The following CDYL2 variants were observed in gnomAD, a reference collection of about 807,000 sequenced individuals.
The protein encoded by CDYL2 is chromodomain Y-like protein 2.
CDYL2 carries 23 observed loss-of-function variants against 49.4 expected under a neutral mutation model. The observed-to-expected ratio is 0.47, with a 90% CI of 0.34 to 0.66. The LOEUF (loss-of-function observed/expected upper bound fraction) is 0.66. Ranked by LOEUF, CDYL2 falls within the 30% of genes least tolerant of loss-of-function variation. CDYL2 has a pLI of 0.01. For synonymous variants in CDYL2, 360 were observed against 268.8 expected, an observed-to-expected ratio of 1.34 and a Z score of -3.32; for missense variants, 678 against 656.4, an observed-to-expected ratio of 1.03 and a Z score of -0.36.
rs1905922434 is a variant in CDYL2, at chr16:80,598,220, G to C, written c.*6168C>G. ...CAGAACTAGTTAAAGACTCTCCCAT[G>C]ATAATCTGGCAAAATAAAACAAGTA... On this transcript the variant is annotated 3_prime_UTR_variant, in exon 7 of 7. Coordinates refer to ENST00000570137, the MANE Select transcript of CDYL2 (RefSeq NM_152342.4). The C allele has an allele frequency of 6.6e-6, 1 of 151,696 alleles. No homozygotes were observed. Among genetic ancestry groups the C allele is most frequent in the Admixed American group, 6.6e-5 (1 of 15,174 alleles). The allele number at this position is 151,696 out of a possible 1,614,324, so 9.4% of individuals were successfully genotyped here.
intron 2 of CDYL2, chr16:80,639,606 T>C: frequency 2.2e-6 from 1 of 445,180 alleles, no homozygotes; most frequent in Non-Finnish European, 4.5e-6. Context: ...GACATCAAAT[T>C]AACAACTGTC....
chr16:80,610,615 A>T (rs573222509), intron 5 of CDYL2, among the ~76,000 whole-genome samples: 1 of 152,248 alleles, frequency 6.6e-6, no homozygotes, highest in African/African-American at 2.4e-5. Flanking sequence ...AGCTAAGAAA[A>T]CAAGAACATA....
At position 80,737,134 on chromosome 16, in the gene CDYL2, G is replaced by C. The variant is rs146499478; in HGVS notation, c.25-52005C>G. The stretch of plus-strand genomic sequence containing the variant: ...GGAAAACTGAGGATCTTGAAATTGA[G>C]CCTCACAAATCTATCCATGCCCCCA... On this transcript the variant is annotated intron_variant, in intron 1 of 6. Coordinates refer to ENST00000570137, the MANE Select transcript of CDYL2 (RefSeq NM_152342.4). Among the ~76,000 whole-genome samples the C allele has an allele frequency of 1.2e-4, 19 of 152,274 alleles. No homozygotes were observed. In the East Asian group the frequency reaches 3.5e-3, roughly 28 times the overall value.
At chr16:80,625,712 G>A (rs964224207) in intron 3 of CDYL2, among the ~76,000 whole-genome samples, 8 of 152,082 alleles carry the variant, frequency 5.3e-5, no homozygotes, top group Non-Finnish European at 8.8e-5. Flanking sequence ...ACATCCAGAG[G>A]AAAAAGAAAG....
Position 80,633,045 on chromosome 16 carries a change from A to C in CDYL2, c.808T>G (p.Ser270Ala), listed in dbSNP as rs1567548675. 1 of 1,614,124 alleles carries C rather than the reference A, an allele frequency of 6.2e-7. No homozygotes were observed. Among genetic ancestry groups the C allele is most frequent in the South Asian group, 1.1e-5 (1 of 91,084 alleles). Residue 270 changes from serine to alanine, a missense_variant, in exon 3 of 7, where the codon TCG becomes GCG. Around this residue, in one of 3 missense-constraint regions of CDYL2, gnomAD observed 478 missense variants for 427.0 expected, o/e 1.12. Transcript: ENST00000570137. Reference protein sequence around the residue: ...FTHILLSSQTSDNNALTPEIM... With the variant: ...FTHILLSSQTADNNALTPEIM... ...TCAGGTGTCAGGGCATTGTTATCCG[A>C]GGTCTGACTGGACAGCAGGATGTGC...
chr16:80,715,231 G>A (rs1904756723), intron 1 of CDYL2, among the ~76,000 whole-genome samples: 1 of 152,064 alleles, frequency 6.6e-6, no homozygotes, highest in Non-Finnish European at 1.5e-5. Context: ...ACTGACGTGG[G>A]CTCCACAGCA....
chr16:80,775,987 G>A (rs768116910), intron 1 of CDYL2, among the ~76,000 whole-genome samples: 1 of 151,796 alleles, frequency 6.6e-6, no homozygotes, highest in Non-Finnish European at 1.5e-5. Context: ...TGCAAAAGAA[G>A]TTACGTATAT....
At chr16:80,776,478 C>T (rs1437703083) in intron 1 of CDYL2, among the ~76,000 whole-genome samples, 4 of 151,712 alleles carry the variant, frequency 2.6e-5, no homozygotes, top group African/African-American at 9.7e-5. Flanking sequence ...AAGCATGAAA[C>T]AAAACAAGAA....
intron 1 of CDYL2, among the ~76,000 whole-genome samples, chr16:80,772,621 G>A (rs1181608908): frequency 2.0e-5 from 3 of 151,792 alleles, no homozygotes; most frequent in African/African-American, 7.3e-5. Context: ...CCCGGCTAAT[G>A]TTTGTATTTT....
At chr16:80,654,337 G>A in intron 2 of CDYL2, among the ~76,000 whole-genome samples, 1 of 152,316 alleles carries the variant, frequency 6.6e-6, no homozygotes, top group Admixed American at 6.5e-5. Context: ...TGGTGAGCAG[G>A]ATATGAGGAT....
chr16:80,652,685 T>G (rs1007217110), intron 2 of CDYL2, among the ~76,000 whole-genome samples: 11 of 152,080 alleles, frequency 7.2e-5, no homozygotes, highest in African/African-American at 2.7e-4. Flanking sequence ...ACATCAACAG[T>G]GACAGGTCAC....
At chr16:80,611,245 G>A (rs532011540) in intron 5 of CDYL2, among the ~76,000 whole-genome samples, 1 of 152,296 alleles carries the variant, frequency 6.6e-6, no homozygotes, top group Admixed American at 6.5e-5. Context: ...TGGGTGTGGC[G>A]AGCCGGGCAC....
At chr16:80,778,471 A>G (rs1169005215) in intron 1 of CDYL2, among the ~76,000 whole-genome samples, 3 of 151,988 alleles carry the variant, frequency 2.0e-5, no homozygotes, top group African/African-American at 7.2e-5. Flanking sequence ...TCCAAAAGGA[A>G]CTGAATTATA....
intron 1 of CDYL2, among the ~76,000 whole-genome samples, chr16:80,767,044 G>A (rs971074340): frequency 6.6e-6 from 1 of 152,078 alleles, no homozygotes; most frequent in Non-Finnish European, 1.5e-5. Context: ...GCAGACCTAG[G>A]CTGTGAACTT....
intron 1 of CDYL2, among the ~76,000 whole-genome samples, chr16:80,797,276 C>T (rs1286412737): frequency 6.6e-6 from 1 of 152,182 alleles, no homozygotes; most frequent in Non-Finnish European, 1.5e-5. Flanking sequence ...CCACTCCCTC[C>T]ACTCCCTCCA....
rs141900978 is a variant in CDYL2 at position 80,757,176 on chromosome 16, A to G, written c.24+46974T>C. ...TGCTTAGGATACAATTGAAGTTAAAATATCAACTAAGACAAGCAGACTTTA... is the reference window on the plus strand; with the variant it reads ...TGCTTAGGATACAATTGAAGTTAAAGTATCAACTAAGACAAGCAGACTTTA... On this transcript the variant is annotated intron_variant, in intron 1 of 6. Transcript: ENST00000570137. 9.8e-3 allele frequency among the ~76,000 whole-genome samples: 1,494 copies of G among 152,322 alleles called. 31 individuals are homozygous for G. Among genetic ancestry groups the G allele is most frequent in the African/African-American group, 0.034 (1,401 of 41,570 alleles).
At chr16:80,742,647 GGATA>G (rs1171398733) in intron 1 of CDYL2, among the ~76,000 whole-genome samples, 1 of 149,874 alleles carries the variant, frequency 6.7e-6, no homozygotes, top group Non-Finnish European at 1.5e-5. Flanking sequence ...GATGGATGGA[GGATA>G]GATAGGTGGA....
rs190269060 is a variant in CDYL2, at chr16:80,605,430, T to C, written c.1363-884A>G. On this transcript the variant is annotated intron_variant, in intron 6 of 6. Transcript: ENST00000570137. ...ATATACATATTATGTAAATATAGTA[T>C]TAATCCCACAGTGTTACTATGATGA... 2.0e-5 allele frequency among the ~76,000 whole-genome samples: 3 copies of C among 148,482 alleles called. No homozygotes were observed. The East Asian group carries it at 5.8e-4, about 29-fold the overall frequency.
At chr16:80,646,608 G>C (rs1908357084) in intron 2 of CDYL2, among the ~76,000 whole-genome samples, 1 of 152,102 alleles carries the variant, frequency 6.6e-6, no homozygotes, top group Non-Finnish European at 1.5e-5. Context: ...GGCTAACATG[G>C]TGAAACCCTA....
Sources: allele counts gnomAD v4.1 joint callset (sites outside exome capture counted in the v4.1 genomes callset), GRCh38; gene constraint gnomAD v4.1.1; regional missense constraint gnomAD v4.1.1; transcripts MANE v1.5; gene names NCBI Gene and HGNC (gene_info 2026-07-23, HGNC 2026-07-21).